Variants in AGO3 observed in about 807,000 individuals in gnomAD.
AGO3 encodes the protein protein argonaute-3.
AGO3 carries 16 observed loss-of-function variants against 105.5 expected under a neutral mutation model. That is an observed-to-expected ratio of 0.15 (90% confidence interval 0.10 to 0.23). The LOEUF (loss-of-function observed/expected upper bound fraction) is 0.23. Ranked by LOEUF, AGO3 falls within the 10% of genes least tolerant of loss-of-function variation. The pLI is 1.00. For synonymous variants in AGO3, 340 were observed against 367.3 expected (o/e 0.93, Z 0.85); for missense variants, 534 against 1,088.0 (o/e 0.49, Z 7.16).
chr1:35,980,971 CT>C (rs1167048603), intron 5 of AGO3, among the ~76,000 whole-genome samples: 24 of 152,194 alleles, frequency 1.6e-4, no homozygotes, highest in Non-Finnish European at 3.2e-4. Context: ...TAGTCTTCAT[CT>C]TTTTAATTCT....
chr1:36,019,070 C>A (rs1177598448), intron 11 of AGO3, among the ~76,000 whole-genome samples: 1 of 152,012 alleles, frequency 6.6e-6, no homozygotes, highest in African/African-American at 2.4e-5. Flanking sequence ...GTGTGGGTGA[C>A]AAGGGGAGTC....
intron 1 of AGO3, among the ~76,000 whole-genome samples, chr1:35,936,661 T>G (rs1468047998): frequency 6.6e-6 from 1 of 152,178 alleles, no homozygotes; most frequent in Non-Finnish European, 1.5e-5. Context: ...ATTTTATACA[T>G]CATTTCCAAA....
rs1043454635 is a variant in AGO3, at chr1:36,043,272, T to G, written c.2173-175T>G. The G allele has an allele frequency of 5.2e-6, 3 of 580,712 alleles. No individual in the cohort carries two copies. The Admixed American group carries it at 1.0e-4, about 20-fold the overall frequency. The allele number at this position is 580,712 out of a possible 1,614,324, so 36.0% of individuals were successfully genotyped here. A position where few individuals can be genotyped will look rare whatever the true frequency, so the allele number is the denominator to read the frequency against. On this transcript the variant is annotated intron_variant, in intron 16 of 18. Transcript: ENST00000373191. ...ATCAGCGCTCACTTTCAGCAACATG[T>G]AAGAATAGGAACTAGGACCTGCGTA... is the stretch of plus-strand genomic sequence containing the variant.
intron 13 of AGO3, 124 bp from the exon 14 acceptor site, chr1:36,036,053 A>T (rs1016602353): frequency 4.2e-5 from 26 of 612,524 alleles, no homozygotes; most frequent in Admixed American, 1.1e-4. Context: ...AAAAAAAAAA[A>T]TTTGGATTAC....
intron 2 of AGO3, among the ~76,000 whole-genome samples, chr1:35,952,131 TC>T (rs1646482107): frequency 9.7e-5 from 11 of 113,748 alleles, no homozygotes; most frequent in East Asian, 6.1e-4. Context: ...TTTCTTTCTT[TC>T]TTTCTTTCTT....
chr1:36,055,850 A>G lies in AGO3; in HGVS notation c.*105A>G. On this transcript the variant is annotated 3_prime_UTR_variant, in exon 19 of 19. Transcript: ENST00000373191. The surrounding 1 kb of genome is among the most constrained non-coding windows in gnomAD (Gnocchi z 4.4). ...AGTAAGGACACCTCCAGCCATACAG[A>G]AACCAACACTGTGTGGGGGCCAAGG... The G allele has an allele frequency of 9.4e-7, 1 of 1,064,656 alleles. No individual in the cohort carries two copies. Among genetic ancestry groups the G allele is most frequent in the Non-Finnish European group, 1.4e-6 (1 of 720,466 alleles). The allele number at this position is 1,064,656 out of a possible 1,614,324, so 66.0% of individuals were successfully genotyped here.
intron 17 of AGO3, among the ~76,000 whole-genome samples, chr1:36,048,412 C>G (rs776612090): frequency 6.6e-6 from 1 of 151,992 alleles, no homozygotes; most frequent in Non-Finnish European, 1.5e-5. Flanking sequence ...CCACTAGATT[C>G]GACCTATAGG....
At chr1:35,936,804 T>C (rs1646156425) in intron 1 of AGO3, among the ~76,000 whole-genome samples, 1 of 152,184 alleles carries the variant, frequency 6.6e-6, no homozygotes, top group Admixed American at 6.5e-5. Flanking sequence ...ATTCCTAGGC[T>C]CAAATGATCC....
At chr1:36,045,505 A>C (rs1368630921) in intron 17 of AGO3, among the ~76,000 whole-genome samples, 1 of 150,768 alleles carries the variant, frequency 6.6e-6, no homozygotes, top group Non-Finnish European at 1.5e-5. Flanking sequence ...TACAGACATG[A>C]GCCACCATGT....
Position 35,933,400 on chromosome 1 carries a change from T to C in AGO3, c.19+1955T>C, listed in dbSNP as rs1217548944. On this transcript the variant is annotated intron_variant, in intron 1 of 18. Transcript: ENST00000373191. ...GTTCATGCCTGTAATCTCAGCACTT[T>C]GGGAGGCTGAGGAAGGATGATCGCT... is the stretch of plus-strand genomic sequence containing the variant. 2.6e-5 allele frequency among the ~76,000 whole-genome samples: 4 copies of C among 152,118 alleles called. No individual in the cohort carries two copies. The East Asian group carries it at 7.7e-4, about 29-fold the overall frequency.
chr1:36,027,419 C>G lies in AGO3; in HGVS notation c.1591+121C>G. 6 of 957,272 alleles carry G rather than the reference C, an allele frequency of 6.3e-6. No homozygotes were observed. The highest frequency in any genetic ancestry group is 2.8e-5 in the East Asian group (1 of 35,568). 59.3% of individuals were successfully genotyped at this position (957,272 alleles called of 1,614,324 possible). ...TATTTTATGATACAGTATTTAAAAC[C>G]ATGTATTATTACTTGAAGACAAATT... is the stretch of plus-strand genomic sequence containing the variant. On this transcript the variant is annotated intron_variant, in intron 12 of 18. Transcript: ENST00000373191. The surrounding 1 kb of genome is among the most constrained non-coding windows in gnomAD (Gnocchi z 4.0).
At chr1:35,996,670 C>G (rs1212499334) in intron 5 of AGO3, among the ~76,000 whole-genome samples, 1 of 151,506 alleles carries the variant, frequency 6.6e-6, no homozygotes, top group Non-Finnish European at 1.5e-5. Flanking sequence ...ACTCAGGAAG[C>G]TGAGGCAGGA....
At chr1:36,006,870 C>A (rs907993464) in intron 6 of AGO3, among the ~76,000 whole-genome samples, 4 of 152,166 alleles carry the variant, frequency 2.6e-5, no homozygotes, top group Non-Finnish European at 5.9e-5. Context: ...AAGAAAATAT[C>A]ATTTATATGA....
chr1:35,933,640 C>CAAAAAA (rs34254758), intron 1 of AGO3, among the ~76,000 whole-genome samples: 10 of 31,408 alleles, frequency 3.2e-4, no homozygotes, highest in South Asian at 1.4e-3. Context: ...GACCCTGTCT[C>CAAAAAA]AAAAAAAAAA....
At chr1:35,938,665 T>TA (rs1646198079) in intron 1 of AGO3, among the ~76,000 whole-genome samples, 1 of 152,204 alleles carries the variant, frequency 6.6e-6, no homozygotes, top group South Asian at 2.1e-4. Context: ...TAAAACTTTG[T>TA]AAGTATTCTA....
In AGO3 at chr1:36,069,671, G is replaced by T. The variant is rs1191085018; in HGVS notation, c.*13926G>T. ...GAATTTTTCTTTATAATAATCCTTG[G>T]CAAAAGCATAACTTTTCAAAAACCA... is the stretch of plus-strand genomic sequence containing the variant. On this transcript the variant is annotated 3_prime_UTR_variant, in exon 19 of 19. Coordinates refer to ENST00000373191, the MANE Select transcript of AGO3 (RefSeq NM_024852.4). 2 of 152,108 alleles carry T rather than the reference G, an allele frequency of 1.3e-5. No homozygotes were observed. The highest frequency in any genetic ancestry group is 2.9e-5 in the Non-Finnish European group (2 of 68,020). 9.4% of individuals were successfully genotyped at this position (152,108 alleles called of 1,614,324 possible).
intron 5 of AGO3, among the ~76,000 whole-genome samples, chr1:35,986,327 A>G (rs187577651): frequency 1.3e-5 from 2 of 152,372 alleles, no homozygotes; most frequent in East Asian, 3.9e-4. Flanking sequence ...TAGTTACATA[A>G]TATTGTGGTG....
intron 5 of AGO3, among the ~76,000 whole-genome samples, chr1:35,993,023 C>T (rs1647830586): frequency 6.6e-6 from 1 of 152,166 alleles, no homozygotes; most frequent in Admixed American, 6.5e-5. Context: ...AGCAGGAATT[C>T]ATGAGAGAGC....
At chr1:36,036,129 G>A (rs1291030471) in intron 13 of AGO3, 48 bp from the exon 14 acceptor site, 22 of 1,556,926 alleles carry the variant, frequency 1.4e-5, no homozygotes, top group East Asian at 2.2e-5. Flanking sequence ...CAGATAAATG[G>A]ATACTGAAAA....
Sources: allele counts gnomAD v4.1 joint callset (sites outside exome capture counted in the v4.1 genomes callset), GRCh38; gene constraint gnomAD v4.1.1; non-coding constraint Gnocchi (gnomAD v3.1); transcripts MANE v1.5; gene names NCBI Gene and HGNC (gene_info 2026-07-23, HGNC 2026-07-21).